The following ROR1 variants were observed in gnomAD, a reference collection of about 807,000 sequenced individuals.
ROR1 encodes the protein inactive tyrosine-protein kinase transmembrane receptor ROR1.
Under a neutral mutation model 78.8 loss-of-function variants are expected in ROR1, and 19 were observed. The observed-to-expected ratio is 0.24, with a 90% CI of 0.17 to 0.35. The LOEUF (loss-of-function observed/expected upper bound fraction) is 0.35. ROR1 is among the 10% of genes least tolerant of loss of function. ROR1 has a pLI of 1.00. For synonymous variants in ROR1, 386 were observed against 433.6 expected, an observed-to-expected ratio of 0.89 and a Z score of 1.36; for missense variants, 917 against 1,177.8, an observed-to-expected ratio of 0.78 and a Z score of 3.24.
At chr1:64,005,955 G>A (rs1455641692) in intron 1 of ROR1, among the ~76,000 whole-genome samples, 3 of 152,098 alleles carry the variant, frequency 2.0e-5, no homozygotes, top group South Asian at 2.1e-4. Context: ...ATGAGCTTGC[G>A]AATTGAAATT....
At chr1:63,961,313 G>T (rs1381123946) in intron 1 of ROR1, among the ~76,000 whole-genome samples, 2 of 152,100 alleles carry the variant, frequency 1.3e-5, no homozygotes. Context: ...ACTTCCATAT[G>T]ATCCAATAAT....
rs78178593 is a variant in ROR1 at position 64,175,585 on chromosome 1, C to T, written c.1387-1843C>T. Among the ~76,000 whole-genome samples, 265 of 152,220 alleles carry T rather than the reference C, an allele frequency of 1.7e-3. 2 individuals carry two copies. The highest frequency in any genetic ancestry group is 6.1e-3 in the African/African-American group (255 of 41,538). On this transcript the variant is annotated intron_variant, in intron 8 of 8. Coordinates refer to ENST00000371079, the MANE Select transcript of ROR1 (RefSeq NM_005012.4). The stretch of plus-strand genomic sequence containing the variant: ...AAGTAAACTTTCTAAAACTCATTTC[C>T]AAATATAAACCTCACAAAATCTGCT...
chr1:64,018,775 A>G (rs1291954251), intron 2 of ROR1, among the ~76,000 whole-genome samples: 1 of 152,204 alleles, frequency 6.6e-6, no homozygotes, highest in Non-Finnish European at 1.5e-5. Context: ...AGTTGTTTGA[A>G]TAAAGAGAGA....
chr1:63,871,385 C>G (rs1022103886), intron 1 of ROR1, among the ~76,000 whole-genome samples: 8 of 152,092 alleles, frequency 5.3e-5, no homozygotes, highest in African/African-American at 1.9e-4. Flanking sequence ...TTGTGGGTTT[C>G]CAGTTACAAT....
At chr1:64,089,065 G>A (rs371821745) in intron 4 of ROR1, among the ~76,000 whole-genome samples, 2 of 151,636 alleles carry the variant, frequency 1.3e-5, no homozygotes, top group South Asian at 2.1e-4. Flanking sequence ...TACTTTTATT[G>A]GTATTTTAGG....
chr1:64,010,593 T>G (rs768221964), intron 2 of ROR1, among the ~76,000 whole-genome samples: 8 of 152,172 alleles, frequency 5.3e-5, no homozygotes, highest in Non-Finnish European at 1.2e-4. Context: ...CAAAAGTCAT[T>G]GTCATAAATG....
At chr1:64,075,954 A>T (rs1321648576) in intron 4 of ROR1, among the ~76,000 whole-genome samples, 1 of 152,150 alleles carries the variant, frequency 6.6e-6, no homozygotes, top group Non-Finnish European at 1.5e-5. Flanking sequence ...GGAAAGTATG[A>T]TTGTCACTTT....
intron 1 of ROR1, among the ~76,000 whole-genome samples, chr1:63,798,412 G>C (rs760916010): frequency 6.6e-6 from 1 of 152,174 alleles, no homozygotes; most frequent in African/African-American, 2.4e-5. Flanking sequence ...GAACAAGTCA[G>C]TGGGGGTTGC....
At chr1:64,021,043 T>C (rs762638132) in intron 2 of ROR1, among the ~76,000 whole-genome samples, 18 of 139,822 alleles carry the variant, frequency 1.3e-4, no homozygotes, top group Non-Finnish European at 2.4e-4. Context: ...AAAAAAAAAA[T>C]GCCCCAAGCC....
At chr1:64,134,587 T>G (rs1466141224) in intron 4 of ROR1, among the ~76,000 whole-genome samples, 1 of 152,056 alleles carries the variant, frequency 6.6e-6, no homozygotes, top group Non-Finnish European at 1.5e-5. Flanking sequence ...ACATGTTTGG[T>G]TTTTTTCAGT....
chr1:63,877,808 T>C (rs975024294), intron 1 of ROR1, among the ~76,000 whole-genome samples: 2 of 152,192 alleles, frequency 1.3e-5, no homozygotes, highest in Non-Finnish European at 2.9e-5. Context: ...AAACAGTGAA[T>C]GAATGAGACT....
At chr1:63,818,979 A>C (rs1454663384) in intron 1 of ROR1, among the ~76,000 whole-genome samples, 1 of 152,134 alleles carries the variant, frequency 6.6e-6, no homozygotes, top group African/African-American at 2.4e-5. Flanking sequence ...GAGGCCCTAG[A>C]AGGTTACTAC....
chr1:64,162,265 T>A (rs1300688043), intron 8 of ROR1, among the ~76,000 whole-genome samples: 1 of 152,172 alleles, frequency 6.6e-6, no homozygotes, highest in Non-Finnish European at 1.5e-5. Context: ...CTTCCATCTC[T>A]CTTCACTTGC....
intron 1 of ROR1, among the ~76,000 whole-genome samples, chr1:63,975,841 T>A (rs1184090475): frequency 6.6e-6 from 1 of 152,166 alleles, no homozygotes; most frequent in African/African-American, 2.4e-5. Context: ...CATTTCAGTC[T>A]ACATCCAGCA....
chr1:63,834,835 C>T (rs547254970), intron 1 of ROR1, among the ~76,000 whole-genome samples: 5 of 152,084 alleles, frequency 3.3e-5, no homozygotes, highest in Non-Finnish European at 7.3e-5. Flanking sequence ...TATATAATGA[C>T]CAGAAGGAAT....
chr1:64,062,289 G>T (rs1451104666), intron 4 of ROR1, among the ~76,000 whole-genome samples: 1 of 152,024 alleles, frequency 6.6e-6, no homozygotes, highest in Non-Finnish European at 1.5e-5. Flanking sequence ...TCATGTGGGT[G>T]TTTTTTGTTG....
In ROR1 at chr1:63,899,504, A is replaced by G. The variant is rs561602235; in HGVS notation, c.92-109801A>G. 4.6e-5 allele frequency among the ~76,000 whole-genome samples: 7 copies of G among 152,288 alleles called. No individual in the cohort carries two copies. In the South Asian group the frequency reaches 1.2e-3, roughly 27 times the overall value. ...TTTATAGATGAGGGATCTGAGGCTC[A>G]GAAAGTTTCAGTGTCTTGTTTATGC... is the stretch of plus-strand genomic sequence containing the variant. On this transcript the variant is annotated intron_variant, in intron 1 of 8. Transcript: ENST00000371079.
chr1:64,131,762 G>A (rs1382734988), intron 4 of ROR1, among the ~76,000 whole-genome samples: 1 of 152,012 alleles, frequency 6.6e-6, no homozygotes, highest in African/African-American at 2.4e-5. Flanking sequence ...CTACATGTGT[G>A]TGCCACCATG....
chr1:63,882,132 G>C (rs769684863), intron 1 of ROR1, among the ~76,000 whole-genome samples: 1 of 152,058 alleles, frequency 6.6e-6, no homozygotes, highest in Admixed American at 6.6e-5. Context: ...GATCCCCCCC[G>C]GTGAATAAAC....
Sources: allele counts gnomAD v4.1 joint callset (sites outside exome capture counted in the v4.1 genomes callset), GRCh38; gene constraint gnomAD v4.1.1; transcripts MANE v1.5; gene names NCBI Gene and HGNC (gene_info 2026-07-23, HGNC 2026-07-21).